The following RASAL2 variants were observed in gnomAD, a reference collection of about 807,000 sequenced individuals.
RASAL2 encodes RAS protein activator like 2, also known as ras GTPase-activating protein nGAP.
RASAL2 carries 58 observed loss-of-function variants against 128.9 expected under a neutral mutation model. The ratio of observed to expected loss-of-function variants is 0.45; its 90% CI spans 0.36 to 0.56. The LOEUF (loss-of-function observed/expected upper bound fraction) is 0.56. RASAL2 is among the 20% of genes least tolerant of loss of function. The pLI, the probability that RASAL2 is intolerant of heterozygous loss-of-function variation, is 0.00. For missense variants in RASAL2, 1,360 were observed against 1,601.6 expected (o/e 0.85, Z 2.57); for synonymous variants, 561 against 580.8 (o/e 0.97, Z 0.49).
chr1:178,199,937 C>T, intron 1 of RASAL2, among the ~76,000 whole-genome samples: 1 of 152,190 alleles, frequency 6.6e-6, no homozygotes, highest in Non-Finnish European at 1.5e-5. Flanking sequence ...ATTAGACTGG[C>T]TTAGCCTCCC....
At chr1:178,420,688 C>A in intron 5 of RASAL2, 68 bp downstream of exon 5, 2 of 1,202,384 alleles carry the variant, frequency 1.7e-6, no homozygotes, top group South Asian at 3.0e-5. Context: ...GCATTTTGGT[C>A]TATTCTGAAT....
At chr1:178,162,806 T>G (rs1354421593) in intron 1 of RASAL2, among the ~76,000 whole-genome samples, 1 of 151,730 alleles carries the variant, frequency 6.6e-6, no homozygotes, top group Non-Finnish European at 1.5e-5. Flanking sequence ...CAGGCAGGTC[T>G]TGAACTCCTG....
chr1:178,283,417 T>C, intron 1 of RASAL2, 147 bp from the exon 2 acceptor site: 1 of 1,030,738 alleles, frequency 9.7e-7, no homozygotes, highest in South Asian at 1.8e-5. Flanking sequence ...AGTTTTCATT[T>C]TCTTAAGAGG....
chr1:178,459,351 T>C (rs2102917332), intron 14 of RASAL2, among the ~76,000 whole-genome samples: 1 of 151,930 alleles, frequency 6.6e-6, no homozygotes, highest in East Asian at 1.9e-4. Flanking sequence ...ATTCATATAA[T>C]TTTTCATGTA....
At chr1:178,108,284 A>G (rs556791189) in intron 1 of RASAL2, among the ~76,000 whole-genome samples, 1 of 152,106 alleles carries the variant, frequency 6.6e-6, no homozygotes, top group East Asian at 1.9e-4. Context: ...TCTTTTTTGC[A>G]TGAATTCTCA....
chr1:178,325,160 AACATT>A (rs1553212819), intron 3 of RASAL2, among the ~76,000 whole-genome samples: 1 of 152,198 alleles, frequency 6.6e-6, no homozygotes, highest in Non-Finnish European at 1.5e-5. Context: ...TTCTCCTTAC[AACATT>A]CCTATTTTGT....
At chr1:178,332,315 A>T (rs2102373353) in intron 3 of RASAL2, among the ~76,000 whole-genome samples, 1 of 152,102 alleles carries the variant, frequency 6.6e-6, no homozygotes, top group East Asian at 2.0e-4. Flanking sequence ...CAGCCTGGCC[A>T]ACATGGTAAA....
At chr1:178,304,972 G>A (rs1484923666) in intron 3 of RASAL2, among the ~76,000 whole-genome samples, 1 of 152,076 alleles carries the variant, frequency 6.6e-6, no homozygotes, top group African/African-American at 2.4e-5. Context: ...TACCAAATCA[G>A]CATACAAAAA....
At chr1:178,181,458 C>T (rs757192078) in intron 1 of RASAL2, among the ~76,000 whole-genome samples, 8 of 151,930 alleles carry the variant, frequency 5.3e-5, no homozygotes, top group Non-Finnish European at 8.8e-5. Context: ...CCCAGCTTCA[C>T]GCCATTCTCC....
chr1:178,444,204 A>G (rs1033464079), intron 8 of RASAL2, among the ~76,000 whole-genome samples: 1 of 152,134 alleles, frequency 6.6e-6, no homozygotes, highest in Admixed American at 6.5e-5. Context: ...ATACATTAAG[A>G]CTTTTTTAAA....
At chr1:178,142,713 C>T (rs1297972903) in intron 1 of RASAL2, among the ~76,000 whole-genome samples, 2 of 152,186 alleles carry the variant, frequency 1.3e-5, no homozygotes, top group East Asian at 1.9e-4. Context: ...GCCTGGGATA[C>T]TCCCTGGGTT....
At chr1:178,119,989 G>A (rs754404054) in intron 1 of RASAL2, among the ~76,000 whole-genome samples, 2 of 152,204 alleles carry the variant, frequency 1.3e-5, no homozygotes, top group Non-Finnish European at 2.9e-5. Flanking sequence ...CTTTAGCAAT[G>A]CCGTTAGCTA....
chr1:178,365,736 G>T (rs1288003987), intron 3 of RASAL2, among the ~76,000 whole-genome samples: 1 of 152,174 alleles, frequency 6.6e-6, no homozygotes, highest in Non-Finnish European at 1.5e-5. Context: ...GCCTCCCACA[G>T]TGCTGGGATT....
chr1:178,407,268 A>G (rs1387073327), intron 4 of RASAL2, among the ~76,000 whole-genome samples: 1 of 152,228 alleles, frequency 6.6e-6, no homozygotes, highest in Admixed American at 6.5e-5. Flanking sequence ...GATAAACTTA[A>G]GTAAAATATA....
At chr1:178,372,607 T>G (rs1477761922) in intron 3 of RASAL2, among the ~76,000 whole-genome samples, 1 of 152,194 alleles carries the variant, frequency 6.6e-6, no homozygotes, top group Non-Finnish European at 1.5e-5. Context: ...TCATGGTATT[T>G]AGACAACTTC....
At chr1:178,187,774 C>A (rs941727998) in intron 1 of RASAL2, among the ~76,000 whole-genome samples, 1 of 151,948 alleles carries the variant, frequency 6.6e-6, no homozygotes. Flanking sequence ...TTTTACTTTT[C>A]TTTTTCTAAG....
chr1:178,094,806 TC>T, intron 1 of RASAL2, 112 bp downstream of exon 1: 1 of 1,286,264 alleles, frequency 7.8e-7, no homozygotes, highest in Non-Finnish European at 1.1e-6. Flanking sequence ...TAGGTCAGTT[TC>T]CCACATCCCT....
intron 3 of RASAL2, among the ~76,000 whole-genome samples, chr1:178,328,604 T>C (rs1164269693): frequency 2.0e-5 from 3 of 152,202 alleles, no homozygotes; most frequent in Non-Finnish European, 4.4e-5. Flanking sequence ...AAACAATAAG[T>C]GATGTAACTA....
chr1:178,371,331 C>CACACACAA (rs1297953806), intron 3 of RASAL2, among the ~76,000 whole-genome samples: 19 of 139,260 alleles, frequency 1.4e-4, no homozygotes, highest in South Asian at 4.6e-4. Flanking sequence ...CCCACACACA[C>CACACACAA]ACACACACAC....
Sources: gnomAD v4.1 joint callset for allele counts (sites outside exome capture counted in the v4.1 genomes callset) on GRCh38, gnomAD v4.1.1 for gene constraint, MANE v1.5 for transcripts, NCBI Gene and HGNC (gene_info 2026-07-23, HGNC 2026-07-21) for gene names.